The following MARCHF1 variants were observed in gnomAD, a reference collection of about 807,000 sequenced individuals.
MARCHF1 encodes the protein membrane associated ring-CH-type finger 1, also known as E3 ubiquitin-protein ligase MARCHF1.
MARCHF1 carries 40 observed loss-of-function variants against 54.2 expected under a neutral mutation model. That is an observed-to-expected ratio of 0.74 (90% CI 0.57 to 0.96). The LOEUF is 0.96. Among genes scored for constraint, MARCHF1 ranks in the 40% least tolerant of loss-of-function variants. The probability of loss-of-function intolerance (pLI) is 0.00; values close to 1 mark genes in which losing one functional copy is unlikely to be tolerated. For missense variants in MARCHF1, 586 were observed against 656.5 expected (o/e 0.89, Z 1.17); for synonymous variants, 236 against 236.3 (o/e 1.00, Z 0.01).
intron 1 of MARCHF1, among the ~76,000 whole-genome samples, chr4:164,249,383 G>C (rs755893502): frequency 9.9e-5 from 15 of 152,066 alleles, no homozygotes; most frequent in African/African-American, 3.4e-4. Flanking sequence ...CCCTGAGGCA[G>C]AGAGGAGCAT....
rs758255787 is a variant in MARCHF1, at chr4:164,301,578, T to C, written c.-323+82292A>G. 3.3e-5 allele frequency among the ~76,000 whole-genome samples: 5 copies of C among 152,256 alleles called. 1 individual carries two copies. Among genetic ancestry groups the C allele is most frequent in the Middle Eastern group, 6.8e-3 (2 of 292 alleles). On this transcript the variant is annotated intron_variant, in intron 1 of 9. Transcript: ENST00000514618. ...TAGGGAATCATGAGCACAAAACTGT[T>C]AGCTAAACCTTGGGAGTGGGCAAAA...
At position 164,176,964 on chromosome 4, in the gene MARCHF1, C is replaced by CCATATA. The variant is rs1367492961; in HGVS notation, c.-322-65303_-322-65302insTATATG. On this transcript the variant is annotated intron_variant, in intron 1 of 9. Transcript: ENST00000514618. ...GCGCTCTCTCTCTCTCTCTCTCTCT[C>CCATATA]TCTCTCTCTCTCTCTCTATATATAT... is the stretch of plus-strand genomic sequence containing the variant. Among the ~76,000 whole-genome samples the CCATATA allele has an allele frequency of 1.2e-3, 58 of 47,672 alleles. 10 individuals carry two copies. Among genetic ancestry groups the CCATATA allele is most frequent in the South Asian group, 1.9e-3 (2 of 1,076 alleles). 31.3% of individuals were successfully genotyped at this position (47,672 alleles called of 152,430 possible). A position where few individuals can be genotyped will look rare whatever the true frequency, so the allele number is the denominator to read the frequency against.
intron 3 of MARCHF1, among the ~76,000 whole-genome samples, chr4:163,920,459 A>C (rs1265175659): frequency 6.6e-6 from 1 of 152,214 alleles, no homozygotes; most frequent in Admixed American, 6.5e-5. Flanking sequence ...ACGACATGTT[A>C]GCCTTCTAAA....
chr4:164,072,492 T>C (rs563349124), intron 2 of MARCHF1, among the ~76,000 whole-genome samples: 1 of 152,064 alleles, frequency 6.6e-6, no homozygotes, highest in Admixed American at 6.5e-5. Flanking sequence ...GCTCAGGAGT[T>C]TAAGGCTGCA....
chr4:163,619,838 GA>G (rs548299642), intron 5 of MARCHF1, among the ~76,000 whole-genome samples: 75 of 151,924 alleles, frequency 4.9e-4, no homozygotes, highest in African/African-American at 1.7e-3. Context: ...ATAATAGGTG[GA>G]AAAAATCCTT....
chr4:164,223,206 T>A (rs1732161372), intron 1 of MARCHF1, among the ~76,000 whole-genome samples: 1 of 152,038 alleles, frequency 6.6e-6, no homozygotes, highest in Non-Finnish European at 1.5e-5. Flanking sequence ...TCAGTGAGAA[T>A]ATTTGAAGGA....
intron 2 of MARCHF1, among the ~76,000 whole-genome samples, chr4:164,043,659 C>T (rs1379392270): frequency 2.0e-5 from 3 of 152,206 alleles, no homozygotes; most frequent in Non-Finnish European, 4.4e-5. Flanking sequence ...CAAACTTCTA[C>T]AGCCAGTTTG....
Position 163,733,201 on chromosome 4 carries a change from A to ATATATACATACACATG in MARCHF1, c.112-32339_112-32338insCATGTGTATGTATATA, listed in dbSNP as rs1554008837. Among the ~76,000 whole-genome samples the ATATATACATACACATG allele has an allele frequency of 3.5e-3, 121 of 34,248 alleles. 11 individuals carry two copies. Among genetic ancestry groups the ATATATACATACACATG allele is most frequent in the Non-Finnish European group, 6.6e-3 (107 of 16,304 alleles). The allele number at this position is 34,248 out of a possible 152,430, so 22.5% of individuals were successfully genotyped here. A position where few individuals can be genotyped will look rare whatever the true frequency, so the allele number is the denominator to read the frequency against. On this transcript the variant is annotated intron_variant, in intron 4 of 9. Transcript: ENST00000514618. ...TGTATATATATATATATATATATAT[A>ATATATACATACACATG]TATATATATATATATATATACACGT... is the stretch of plus-strand genomic sequence containing the variant.
chr4:163,782,882 T>TG (rs1165831467), intron 4 of MARCHF1, among the ~76,000 whole-genome samples: 2 of 152,114 alleles, frequency 1.3e-5, no homozygotes, highest in Admixed American at 1.3e-4. Context: ...ATTTCAGAAT[T>TG]GGGGTCTTAC....
chr4:164,083,269 C>T (rs1019670552), intron 2 of MARCHF1, among the ~76,000 whole-genome samples: 2 of 151,396 alleles, frequency 1.3e-5, no homozygotes, highest in African/African-American at 2.4e-5. Flanking sequence ...ATATAGACAA[C>T]ATTTAAAAGT....
Position 163,612,431 on chromosome 4 carries a change from T to C in MARCHF1, c.850A>G (p.Ile284Val), listed in dbSNP as rs1741373655. ...GTTTCTGAAAATGTCTTCTTCATTATTTCATTTTTCCTAAGACTTTGCAAG... is the reference window on the plus strand; with the variant it reads ...GTTTCTGAAAATGTCTTCTTCATTACTTCATTTTTCCTAAGACTTTGCAAG... Reference protein sequence around the residue: ...QLLQSLRKNEIMKKTFSETDS... With the variant: ...QLLQSLRKNEVMKKTFSETDS... The change falls in exon 7 of 10, where the codon ATA becomes GTA. Residue 284 changes from isoleucine to valine, a missense_variant. Physicochemically the swap from Ile to Val is conservative, Grantham distance 29 (BLOSUM62 3). This residue lies in a region of MARCHF1 where 387 missense variants were observed against 394.6 expected (regional missense o/e 0.98). Coordinates refer to ENST00000514618, the MANE Select transcript of MARCHF1 (RefSeq NM_001394959.1). 1 of 1,535,488 alleles carries C rather than the reference T, an allele frequency of 6.5e-7. No individual in the cohort carries two copies. The highest frequency in any genetic ancestry group is 8.7e-7 in the Non-Finnish European group (1 of 1,146,506).
intron 1 of MARCHF1, chr4:164,189,246 A>G: frequency 1.7e-6 from 1 of 578,166 alleles, no homozygotes; most frequent in East Asian, 2.9e-5. Context: ...AACTCCAGCT[A>G]GAGGTAGAAA....
chr4:163,593,156 AT>A (rs1268057896), intron 7 of MARCHF1, among the ~76,000 whole-genome samples: 4 of 152,174 alleles, frequency 2.6e-5, no homozygotes, highest in Non-Finnish European at 4.4e-5. Flanking sequence ...TGACTTGTGG[AT>A]AAGTAAATAG....
intron 1 of MARCHF1, among the ~76,000 whole-genome samples, chr4:164,261,860 G>T (rs879335924): frequency 4.6e-5 from 7 of 152,122 alleles, no homozygotes; most frequent in Admixed American, 3.9e-4. Flanking sequence ...AGAAAGTGTG[G>T]CCGGATGCAG....
At chr4:164,139,728 C>T (rs566488385) in intron 1 of MARCHF1, among the ~76,000 whole-genome samples, 4 of 152,058 alleles carry the variant, frequency 2.6e-5, no homozygotes, top group Non-Finnish European at 2.9e-5. Flanking sequence ...ATACTTTAAG[C>T]GGAATGGAAA....
intron 1 of MARCHF1, among the ~76,000 whole-genome samples, chr4:164,173,501 C>T (rs1290356046): frequency 1.3e-5 from 2 of 152,166 alleles, no homozygotes; most frequent in African/African-American, 2.4e-5. Flanking sequence ...TGTGTTTCCC[C>T]TCCAAATCCC....
chr4:163,924,586 A>T (rs1211540728), intron 3 of MARCHF1, among the ~76,000 whole-genome samples: 1 of 152,016 alleles, frequency 6.6e-6, no homozygotes, highest in African/African-American at 2.4e-5. Context: ...GTATAGTGAC[A>T]AGAATTTATC....
At chr4:163,689,636 T>C (rs1470601239) in intron 5 of MARCHF1, among the ~76,000 whole-genome samples, 1 of 151,870 alleles carries the variant, frequency 6.6e-6, no homozygotes, top group Non-Finnish European at 1.5e-5. Context: ...CTTGTTACTG[T>C]AAATTCACCT....
chr4:164,310,370 C>T (rs1734817052), intron 1 of MARCHF1, among the ~76,000 whole-genome samples: 1 of 152,112 alleles, frequency 6.6e-6, no homozygotes, highest in African/African-American at 2.4e-5. Flanking sequence ...GCCACCACGC[C>T]TGGCCACATG....
Sources: allele counts gnomAD v4.1 joint callset (sites outside exome capture counted in the v4.1 genomes callset), GRCh38; gene constraint gnomAD v4.1.1; regional missense constraint gnomAD v4.1.1; transcripts MANE v1.5; gene names NCBI Gene and HGNC (gene_info 2026-07-23, HGNC 2026-07-21).